Variants in SLC25A26 observed in about 807,000 individuals in gnomAD.
The protein encoded by SLC25A26 is mitochondrial S-adenosylmethionine carrier protein.
In SLC25A26, 36 loss-of-function variants were observed where a neutral mutation model predicts 37.8. The observed-to-expected ratio is 0.95, with a 90% CI of 0.73 to 1.26. The LOEUF is 1.26. SLC25A26 is among the 50% of genes most tolerant of loss of function. The pLI is 0.00. For missense variants in SLC25A26, 390 were observed against 331.1 expected (o/e 1.18, Z -1.38); for synonymous variants, 129 against 122.5 (o/e 1.05, Z -0.35).
chr3:66,215,691 G>T (rs1247285228), intron 1 of SLC25A26, among the ~76,000 whole-genome samples: 1 of 152,050 alleles, frequency 6.6e-6, no homozygotes, highest in East Asian at 1.9e-4. Flanking sequence ...ATCACTTAAA[G>T]GAAAACTGAC....
intron 6 of SLC25A26, 91 bp from the exon 7 acceptor site, chr3:66,362,768 AC>A: frequency 1.4e-6 from 1 of 730,628 alleles, no homozygotes; most frequent in East Asian, 3.1e-5. Flanking sequence ...ATAGCTTCTC[AC>A]TTAAGTTCCC....
At chr3:66,168,054 G>A (rs763914802) in intron 1 of SLC25A26, among the ~76,000 whole-genome samples, 19 of 151,718 alleles carry the variant, frequency 1.3e-4, no homozygotes, top group Non-Finnish European at 2.1e-4. Context: ...TCATGAGGCC[G>A]AGGCAGGAAA....
At chr3:66,276,263 A>G (rs1204761149) in intron 5 of SLC25A26, among the ~76,000 whole-genome samples, 5 of 152,142 alleles carry the variant, frequency 3.3e-5, no homozygotes, top group Non-Finnish European at 7.4e-5. Context: ...AAAATTAAGT[A>G]ATACAACTAG....
At chr3:66,373,234 T>A (rs560600877) in intron 9 of SLC25A26, among the ~76,000 whole-genome samples, 2 of 152,308 alleles carry the variant, frequency 1.3e-5, no homozygotes, top group East Asian at 3.9e-4. Flanking sequence ...TCTGGCATTG[T>A]AAGTGCTTAC....
intron 5 of SLC25A26, among the ~76,000 whole-genome samples, chr3:66,318,660 A>T (rs564938068): frequency 0.013 from 1,961 of 146,364 alleles, 45 homozygotes; most frequent in African/African-American, 0.045. Flanking sequence ...TAAAAAAAAA[A>T]TTTTTTTTTG....
At chr3:66,351,969 T>A (rs1243128540) in intron 6 of SLC25A26, among the ~76,000 whole-genome samples, 2 of 151,962 alleles carry the variant, frequency 1.3e-5, no homozygotes, top group African/African-American at 4.8e-5. Flanking sequence ...ATGAATTAGG[T>A]CAGGCACAGT....
intron 1 of SLC25A26, among the ~76,000 whole-genome samples, chr3:66,145,786 C>A (rs1397333687): frequency 6.6e-6 from 1 of 152,018 alleles, no homozygotes; most frequent in Non-Finnish European, 1.5e-5. Flanking sequence ...CTAGTCAAAT[C>A]CAAAAATATT....
At chr3:66,243,945 G>T (rs1224628452) in intron 3 of SLC25A26, among the ~76,000 whole-genome samples, 1 of 152,118 alleles carries the variant, frequency 6.6e-6, no homozygotes, top group Non-Finnish European at 1.5e-5. Flanking sequence ...CAAATTCTCT[G>T]TCACAGATTG....
At chr3:66,248,243 T>C (rs1266248709) in intron 3 of SLC25A26, among the ~76,000 whole-genome samples, 8 of 152,232 alleles carry the variant, frequency 5.3e-5, no homozygotes, top group East Asian at 3.8e-4. Context: ...TTCTACCTTA[T>C]GTTTGCAATT....
chr3:66,184,344 T>A (rs990435081), intron 1 of SLC25A26, among the ~76,000 whole-genome samples: 1 of 152,014 alleles, frequency 6.6e-6, no homozygotes, highest in Non-Finnish European at 1.5e-5. Context: ...CACCCTGATA[T>A]GAACAGTGAC....
chr3:66,258,320 G>A (rs560061257), intron 3 of SLC25A26, among the ~76,000 whole-genome samples: 2 of 152,278 alleles, frequency 1.3e-5, no homozygotes, highest in East Asian at 3.9e-4. Flanking sequence ...CTGAGAGTCA[G>A]GATGCCCAGG....
Position 66,204,439 on chromosome 3 carries a change from AG to A in SLC25A26, c.-353-16302del, listed in dbSNP as rs1366619654. 3.5e-3 allele frequency among the ~76,000 whole-genome samples: 309 copies of A among 88,878 alleles called. 2 individuals carry two copies. The highest frequency in any genetic ancestry group is 4.3e-3 in the Non-Finnish European group (217 of 50,228). 58.3% of individuals were successfully genotyped at this position (88,878 alleles called of 152,430 possible). A position where few individuals can be genotyped will look rare whatever the true frequency, so the allele number is the denominator to read the frequency against. On this transcript the variant is annotated intron_variant, in intron 1 of 10. Coordinates refer to the SLC25A26 transcript ENST00000676754. ...ATACTCCGTCTCAAAAAAAAAAAAA[AG>A]AAAAAAAGAAAAAAGAAAGAAAAAG...
chr3:66,349,793 A>C (rs2107753543), intron 6 of SLC25A26, among the ~76,000 whole-genome samples: 1 of 152,292 alleles, frequency 6.6e-6, no homozygotes, highest in Non-Finnish European at 1.5e-5. Flanking sequence ...TGTTTTCCAA[A>C]GTGGCTGTAC....
At chr3:66,219,960 C>T (rs978120946), upstream of SLC25A26, among the ~76,000 whole-genome samples, 4 of 152,108 alleles carry the variant, frequency 2.6e-5, no homozygotes, top group Non-Finnish European at 5.9e-5. Flanking sequence ...CATCTAACAC[C>T]TAAAGCTATT....
chr3:66,171,077 A>G (rs1281663941), intron 1 of SLC25A26, among the ~76,000 whole-genome samples: 2 of 152,064 alleles, frequency 1.3e-5, no homozygotes, highest in Non-Finnish European at 2.9e-5. Flanking sequence ...TGCTGGGATT[A>G]CAGGCGTGAG....
intron 1 of SLC25A26, among the ~76,000 whole-genome samples, chr3:66,168,380 T>C (rs990108199): frequency 2.0e-5 from 3 of 152,058 alleles, no homozygotes; most frequent in Non-Finnish European, 2.9e-5. Context: ...TCATCTGCAC[T>C]AAGATGAATC....
At chr3:66,210,096 G>C (rs2071264583) in intron 1 of SLC25A26, among the ~76,000 whole-genome samples, 1 of 149,772 alleles carries the variant, frequency 6.7e-6, no homozygotes, top group South Asian at 2.1e-4. Flanking sequence ...ACTATGTATG[G>C]CCTCCTTCAC....
intron 5 of SLC25A26, among the ~76,000 whole-genome samples, chr3:66,330,594 T>C (rs998169179): frequency 6.6e-6 from 1 of 150,498 alleles, no homozygotes; most frequent in African/African-American, 2.5e-5. Flanking sequence ...TAGCTAACAA[T>C]GATAATATCT....
intron 1 of SLC25A26, 44 bp downstream of exon 1, chr3:66,221,171 C>A (rs1339945571): frequency 6.0e-6 from 9 of 1,501,038 alleles, no homozygotes; most frequent in Non-Finnish European, 7.1e-6. Context: ...GTGCCGGCGT[C>A]CGGCATTGGA....
Sources: gnomAD v4.1 joint callset for allele counts (sites outside exome capture counted in the v4.1 genomes callset) on GRCh38, gnomAD v4.1.1 for gene constraint, MANE v1.5 for transcripts, NCBI Gene and HGNC (gene_info 2026-07-23, HGNC 2026-07-21) for gene names.